Variants in SRGAP2C observed in about 807,000 individuals in gnomAD.
SRGAP2C encodes the protein SLIT-ROBO Rho GTPase activating protein 2C.
Under a neutral mutation model 25.1 loss-of-function variants are expected in SRGAP2C, and 15 were observed. That is an observed-to-expected ratio of 0.60 (90% CI 0.40 to 0.92). The LOEUF is 0.92. Among genes scored for constraint, SRGAP2C ranks in the 40% least tolerant of loss-of-function variants. The pLI, the probability that SRGAP2C is intolerant of heterozygous loss-of-function variation, is 0.00. For missense variants in SRGAP2C, 144 were observed against 264.4 expected, an observed-to-expected ratio of 0.54 and a Z score of 3.16; for synonymous variants, 44 against 96.6, an observed-to-expected ratio of 0.46 and a Z score of 3.19.
At chr1:121,282,923 G>GTACA (rs1657282739) in intron 2 of SRGAP2C, among the ~76,000 whole-genome samples, 1 of 150,284 alleles carries the variant, frequency 6.7e-6, no homozygotes, top group Non-Finnish European at 1.5e-5. Flanking sequence ...CCCTCTCAAT[G>GTACA]TACAGTCTGC....
chr1:121,186,651 G>C (rs1310649490), intron 1 of SRGAP2C, among the ~76,000 whole-genome samples: 1 of 151,552 alleles, frequency 6.6e-6, no homozygotes, highest in Non-Finnish European at 1.5e-5. Flanking sequence ...CCCGCCCGGT[G>C]CCCCGCGTTC....
intron 2 of SRGAP2C, among the ~76,000 whole-genome samples, chr1:121,206,408 A>T (rs1655109772): frequency 1.3e-5 from 2 of 152,178 alleles, no homozygotes; most frequent in African/African-American, 4.8e-5. Context: ...ATCGAAGTGG[A>T]TAGTTTTTGA....
At chr1:121,267,421 G>A (rs1656824338) in intron 2 of SRGAP2C, among the ~76,000 whole-genome samples, 1 of 149,784 alleles carries the variant, frequency 6.7e-6, no homozygotes. Context: ...TGAACTCCTG[G>A]CCTCAAGTGA....
intron 3 of SRGAP2C, among the ~76,000 whole-genome samples, chr1:121,293,532 G>A (rs1657534308): frequency 6.6e-6 from 1 of 151,224 alleles, no homozygotes; most frequent in South Asian, 2.1e-4. Flanking sequence ...TCATACCCTT[G>A]GAAATAGACA....
At chr1:121,377,342 C>A (rs1456698181) in intron 7 of SRGAP2C, among the ~76,000 whole-genome samples, 1 of 70,622 alleles carries the variant, frequency 1.4e-5, no homozygotes, top group Non-Finnish European at 2.7e-5. Context: ...GATCTCGGCT[C>A]ACTGCAAGCT....
At chr1:121,385,276 GA>G in intron 8 of SRGAP2C, among the ~76,000 whole-genome samples, 1 of 116,844 alleles carries the variant, frequency 8.6e-6, no homozygotes, top group Non-Finnish European at 1.8e-5. Context: ...GTACTAGGAG[GA>G]GGTGCTTGGC....
intron 1 of SRGAP2C, among the ~76,000 whole-genome samples, chr1:121,186,390 A>C (rs61803100): frequency 0.22 from 10,164 of 45,612 alleles, 1,773 homozygotes; most frequent in African/African-American, 0.4. Context: ...TGCCCCCCCC[A>C]CCCCATCAAC....
At chr1:121,302,297 A>C (rs1181811895) in intron 3 of SRGAP2C, among the ~76,000 whole-genome samples, 3 of 152,138 alleles carry the variant, frequency 2.0e-5, no homozygotes, top group Admixed American at 6.5e-5. Context: ...TTTTCTCCAG[A>C]ATGCAATCTG....
At chr1:121,331,909 G>T (rs1366260911) in intron 4 of SRGAP2C, among the ~76,000 whole-genome samples, 1 of 151,972 alleles carries the variant, frequency 6.6e-6, no homozygotes, top group African/African-American at 2.4e-5. Flanking sequence ...GATTGCCTTG[G>T]GGCCAGGATG....
chr1:121,235,194 AT>A (rs1441570684), intron 2 of SRGAP2C, among the ~76,000 whole-genome samples: 4 of 131,882 alleles, frequency 3.0e-5, no homozygotes, highest in African/African-American at 1.2e-4. Flanking sequence ...GGCCCGGCTA[AT>A]TTTTTTTGTA....
intron 3 of SRGAP2C, among the ~76,000 whole-genome samples, chr1:121,308,939 CAAAAA>C (rs1282103321): frequency 2.3e-4 from 7 of 30,690 alleles, no homozygotes; most frequent in Admixed American, 3.6e-4. Flanking sequence ...AACTCTGTCT[CAAAAA>C]AAAAAAAAAA....
intron 3 of SRGAP2C, among the ~76,000 whole-genome samples, chr1:121,287,701 C>T (rs1470697366): frequency 6.6e-6 from 1 of 152,178 alleles, no homozygotes; most frequent in Non-Finnish European, 1.5e-5. Flanking sequence ...CGCGGACCCT[C>T]GCGGTGAGTG....
intron 2 of SRGAP2C, among the ~76,000 whole-genome samples, chr1:121,240,066 G>A (rs1656086763): frequency 7.1e-6 from 1 of 141,656 alleles, no homozygotes; most frequent in East Asian, 2.1e-4. Context: ...AAATATTGTT[G>A]AATGAATGAT....
intron 2 of SRGAP2C, among the ~76,000 whole-genome samples, chr1:121,218,850 T>A (rs1362208297): frequency 2.0e-5 from 3 of 151,848 alleles, no homozygotes; most frequent in African/African-American, 4.8e-5. Flanking sequence ...TTCAGTTGAC[T>A]TTCTTTCATA....
At chr1:121,313,571 TC>T (rs1278179711) in intron 3 of SRGAP2C, among the ~76,000 whole-genome samples, 1 of 137,718 alleles carries the variant, frequency 7.3e-6, no homozygotes, top group Non-Finnish European at 1.6e-5. Context: ...TACCGGTTGT[TC>T]CTTTCCATGT....
At chr1:121,352,169 AAG>A (rs1297189810) in intron 4 of SRGAP2C, among the ~76,000 whole-genome samples, 2 of 8,330 alleles carry the variant, frequency 2.4e-4, no homozygotes, top group African/African-American at 1.1e-3. Flanking sequence ...CAGTAACTAA[AAG>A]AGCTCAATGT....
chr1:121,359,377 G>A (rs1239768425), intron 4 of SRGAP2C, among the ~76,000 whole-genome samples: 10 of 144,172 alleles, frequency 6.9e-5, no homozygotes, highest in Admixed American at 2.1e-4. Context: ...ACAGTCGCTC[G>A]AGAATATAAT....
At chr1:121,265,000 C>CA in intron 2 of SRGAP2C, among the ~76,000 whole-genome samples, 1 of 107,210 alleles carries the variant, frequency 9.3e-6, no homozygotes, top group African/African-American at 3.7e-5. Context: ...AGTTCAAGAC[C>CA]AACCTGGCCA....
At chr1:121,273,911 G>A (rs1434130236) in intron 2 of SRGAP2C, among the ~76,000 whole-genome samples, 1 of 151,708 alleles carries the variant, frequency 6.6e-6, no homozygotes, top group African/African-American at 2.4e-5. Context: ...GCACTGTCAG[G>A]CTGGTGCATC....
Sources: gnomAD v4.1 joint callset for allele counts (sites outside exome capture counted in the v4.1 genomes callset) on GRCh38, gnomAD v4.1.1 for gene constraint, MANE v1.5 for transcripts, NCBI Gene and HGNC (gene_info 2026-07-23, HGNC 2026-07-21) for gene names.